Variants in USP15 observed in about 807,000 individuals in gnomAD.
USP15 encodes ubiquitin carboxyl-terminal hydrolase 15.
In USP15, 18 loss-of-function variants were observed where a neutral mutation model predicts 127.1. The observed-to-expected ratio is 0.14, with a 90% CI of 0.10 to 0.21. The LOEUF (loss-of-function observed/expected upper bound fraction) is 0.21, where lower values mean the gene tolerates loss of function less well. Among genes scored for constraint, USP15 ranks in the 10% least tolerant of loss-of-function variants. The probability of loss-of-function intolerance (pLI) is 1.00; values close to 1 mark genes in which losing one functional copy is unlikely to be tolerated. For missense variants in USP15, 805 were observed against 1,159.9 expected, an observed-to-expected ratio of 0.69 and a Z score of 4.44; for synonymous variants, 364 against 393.7, an observed-to-expected ratio of 0.92 and a Z score of 0.89.
intron 1 of USP15, 58 bp downstream of exon 1, chr12:62,260,561 G>C: frequency 6.8e-7 from 1 of 1,479,890 alleles, no homozygotes; most frequent in Non-Finnish European, 9.2e-7. Flanking sequence ...GAAGTGGGCG[G>C]GAGCCGCGAG....
At chr12:62,384,514 T>C (rs2067086534) in intron 11 of USP15, among the ~76,000 whole-genome samples, 1 of 151,690 alleles carries the variant, frequency 6.6e-6, no homozygotes, top group Non-Finnish European at 1.5e-5. Context: ...AACGTGTGTC[T>C]TATAAAAAAT....
At chr12:62,292,734 T>C (rs910403926) in intron 1 of USP15, among the ~76,000 whole-genome samples, 5 of 152,204 alleles carry the variant, frequency 3.3e-5, no homozygotes, top group African/African-American at 7.2e-5. Flanking sequence ...CAGAGAGCTC[T>C]TGGGGGGCGC....
intron 6 of USP15, among the ~76,000 whole-genome samples, chr12:62,339,014 A>G (rs554571138): frequency 1.6e-4 from 24 of 152,240 alleles, no homozygotes; most frequent in African/African-American, 3.4e-4. Context: ...AAGAATGTCA[A>G]TGTCAATTCA....
chr12:62,397,538 T>C (rs2067531080), intron 20 of USP15, among the ~76,000 whole-genome samples: 1 of 152,168 alleles, frequency 6.6e-6, no homozygotes. Flanking sequence ...TTGTCCTTTT[T>C]TCATTCTTTT....
At chr12:62,279,524 C>G (rs538540049) in intron 1 of USP15, among the ~76,000 whole-genome samples, 1 of 152,224 alleles carries the variant, frequency 6.6e-6, no homozygotes, top group African/African-American at 2.4e-5. Context: ...TATGGTCATT[C>G]TATTTTTAAT....
At chr12:62,353,081 T>C (rs1462155252) in intron 7 of USP15, among the ~76,000 whole-genome samples, 1 of 151,972 alleles carries the variant, frequency 6.6e-6, no homozygotes, top group Non-Finnish European at 1.5e-5. Context: ...ACTGCTAGTT[T>C]TGATATTTTC....
chr12:62,392,235 C>A, intron 17 of USP15, 37 bp from the exon 18 acceptor site: 1 of 1,396,356 alleles, frequency 7.2e-7, no homozygotes, highest in South Asian at 1.3e-5. Context: ...AGTTTTGTTT[C>A]ATTTGTTCTC....
chr12:62,360,828 G>A (rs770073195), intron 8 of USP15, among the ~76,000 whole-genome samples: 1 of 151,968 alleles, frequency 6.6e-6, no homozygotes, highest in African/African-American at 2.4e-5. Flanking sequence ...TCCTAATCCA[G>A]GATGTTAAAC....
chr12:62,401,068 G>A, intron 20 of USP15, 119 bp from the exon 21 acceptor site: 1 of 512,996 alleles, frequency 1.9e-6, no homozygotes, highest in East Asian at 3.4e-5. Flanking sequence ...TAATAAATAA[G>A]CCTCATAGAT....
chr12:62,263,255 T>C (rs981997711), intron 1 of USP15, among the ~76,000 whole-genome samples: 1 of 152,198 alleles, frequency 6.6e-6, no homozygotes, highest in Non-Finnish European at 1.5e-5. Context: ...GGCATATGTA[T>C]GTAACTGTCT....
At chr12:62,330,137 A>T (rs539081560) in intron 6 of USP15, among the ~76,000 whole-genome samples, 1 of 152,350 alleles carries the variant, frequency 6.6e-6, no homozygotes, top group Non-Finnish European at 1.5e-5. Flanking sequence ...AAGAAAATAG[A>T]AAAAGCACAG....
intron 8 of USP15, among the ~76,000 whole-genome samples, chr12:62,366,089 G>A (rs1334134893): frequency 6.6e-6 from 1 of 152,212 alleles, no homozygotes; most frequent in Non-Finnish European, 1.5e-5. Context: ...ATTCTGTGAA[G>A]AAAGTCAGTG....
intron 1 of USP15, among the ~76,000 whole-genome samples, chr12:62,288,604 T>C (rs2063854360): frequency 6.6e-6 from 1 of 152,078 alleles, no homozygotes. Flanking sequence ...TGTTGCCTCT[T>C]TTCTGGCTGT....
intron 18 of USP15, among the ~76,000 whole-genome samples, chr12:62,392,787 T>G (rs528251688): frequency 1.3e-4 from 20 of 152,222 alleles, no homozygotes; most frequent in African/African-American, 4.6e-4. Context: ...ACCTATGTCT[T>G]TTTTGCATAC....
chr12:62,308,579 A>G (rs2064558666), intron 3 of USP15, among the ~76,000 whole-genome samples: 1 of 152,116 alleles, frequency 6.6e-6, no homozygotes, highest in South Asian at 2.1e-4. Context: ...GACTCACATA[A>G]TGAGGAACAG....
rs185867502 is a variant in USP15, at chr12:62,388,661, C to T, written c.1474-770C>T. On this transcript the variant is annotated intron_variant, in intron 11 of 21. Coordinates refer to ENST00000280377, the MANE Select transcript of USP15 (RefSeq NM_001252078.2). ...TTGAGTAACAAAGACATTAAAGGTT[C>T]GTGATAAAGCATGTAGGGCCTGGAT... Among the ~76,000 whole-genome samples the T allele has an allele frequency of 1.7e-3, 256 of 152,144 alleles. 1 individual carries two copies. The highest frequency in any genetic ancestry group is 5.2e-3 in the African/African-American group (215 of 41,508).
chr12:62,285,260 C>T (rs1051966811), intron 1 of USP15, among the ~76,000 whole-genome samples: 3 of 152,132 alleles, frequency 2.0e-5, no homozygotes, highest in Non-Finnish European at 4.4e-5. Flanking sequence ...CTGCCTCCCA[C>T]CCTTCTGAGT....
At position 62,260,508 on chromosome 12, in the gene USP15, G is replaced by C; in HGVS notation, c.89+5G>C. ...GCTCCGGAAAGGGGACACCTGGTAA[G>C]AGAAAGGGGTTGAGATGCCCGCGGT... On this transcript the variant is annotated splice_donor_5th_base_variant and intron_variant, in intron 1 of 21. Transcript: ENST00000280377. 2 of 1,551,044 alleles carry C rather than the reference G, an allele frequency of 1.3e-6. No individual in the cohort carries two copies. The highest frequency in any genetic ancestry group is 1.7e-6 in the Non-Finnish European group (2 of 1,146,958).
intron 7 of USP15, among the ~76,000 whole-genome samples, chr12:62,353,709 G>A (rs1206122666): frequency 6.6e-6 from 1 of 151,818 alleles, no homozygotes; most frequent in Non-Finnish European, 1.5e-5. Context: ...GCTTTTTGTT[G>A]TGTGTACCCA....
Sources: allele counts gnomAD v4.1 joint callset (sites outside exome capture counted in the v4.1 genomes callset), GRCh38; gene constraint gnomAD v4.1.1; transcripts MANE v1.5; gene names NCBI Gene and HGNC (gene_info 2026-07-23, HGNC 2026-07-21).